GFPT1: variants seen among roughly 807,000 people sequenced by gnomAD.
The protein encoded by GFPT1 is glutamine--fructose-6-phosphate transaminase 1, also known as glutamine--fructose-6-phosphate aminotransferase [isomerizing] 1.
Under a neutral mutation model 92.0 loss-of-function variants are expected in GFPT1, and 40 were observed. The observed-to-expected ratio is 0.43, with a 90% CI of 0.34 to 0.57. GFPT1 has a LOEUF of 0.57. Among genes scored for constraint, GFPT1 ranks in the 20% least tolerant of loss-of-function variants. The probability of loss-of-function intolerance (pLI) is 0.02; values close to 1 mark genes in which losing one functional copy is unlikely to be tolerated. For missense variants in GFPT1, 448 were observed against 869.1 expected, an observed-to-expected ratio of 0.52 and a Z score of 6.09; for synonymous variants, 269 against 280.6, an observed-to-expected ratio of 0.96 and a Z score of 0.41.
At chr2:69,385,369 G>A (rs1474744825) in intron 1 of GFPT1, among the ~76,000 whole-genome samples, 1 of 151,980 alleles carries the variant, frequency 6.6e-6, no homozygotes, top group East Asian at 1.9e-4. Context: ...GGGATTACAG[G>A]CGCGTACCAC....
At chr2:69,367,727 A>G (rs990431607) in intron 3 of GFPT1, among the ~76,000 whole-genome samples, 4 of 152,138 alleles carry the variant, frequency 2.6e-5, no homozygotes. Flanking sequence ...AAATTTTGCA[A>G]CAGTGAATCT....
chr2:69,348,668 T>C (rs1287268275), intron 10 of GFPT1, among the ~76,000 whole-genome samples: 1 of 152,154 alleles, frequency 6.6e-6, no homozygotes. Flanking sequence ...CCAGACAAAT[T>C]CAAGCTCCCA....
At chr2:69,355,632 T>C (rs2104650237) in intron 7 of GFPT1, among the ~76,000 whole-genome samples, 1 of 152,314 alleles carries the variant, frequency 6.6e-6, no homozygotes, top group East Asian at 1.9e-4. Flanking sequence ...TTAATTTTTT[T>C]CCTTTGTAAT....
intron 15 of GFPT1, among the ~76,000 whole-genome samples, chr2:69,330,955 T>C (rs1436556384): frequency 6.6e-6 from 1 of 152,214 alleles, no homozygotes; most frequent in South Asian, 2.1e-4. Flanking sequence ...CAGTTCTGTA[T>C]AATCCCTGAC....
In GFPT1 at chr2:69,326,982, G is replaced by A. The variant is rs1670545962; in HGVS notation, c.1987C>T (p.Gln663Ter). The change falls in exon 19 of 20, where the codon CAG becomes TAG. Residue 663 changes from glutamine (Q) to a stop codon, truncating the protein, a stop_gained. Coordinates refer to ENST00000357308, the MANE Select transcript of GFPT1 (RefSeq NM_001244710.2). LOFTEE classifies it high-confidence loss of function. ...IKVPHSVDCL[Q>*]GILSVIPLQL... The stretch of plus-strand genomic sequence containing the variant: ...AAAGGGATCACGCTGAGAATGCCCT[G>A]CAAGCAGTCCACTGAGTGGGGCACC... 1.2e-6 allele frequency: 2 copies of A among 1,614,020 alleles called. No individual in the cohort carries two copies. The highest frequency in any genetic ancestry group is 1.3e-5 in the African/African-American group (1 of 74,930).
At chr2:69,377,144 G>A (rs945399559) in intron 1 of GFPT1, among the ~76,000 whole-genome samples, 4 of 138,932 alleles carry the variant, frequency 2.9e-5, no homozygotes, top group Admixed American at 2.3e-4. Context: ...GGAGGCAGAG[G>A]TTGCAGTGAG....
intron 2 of GFPT1, among the ~76,000 whole-genome samples, chr2:69,373,559 T>C (rs4353693): frequency 0.67 from 101,209 of 151,744 alleles, 35,387 homozygotes; most frequent in African/African-American, 0.9. Context: ...TTCGAGACTG[T>C]AGTGAGCTAT....
chr2:69,352,494 TC>T (rs1337137349), intron 9 of GFPT1, among the ~76,000 whole-genome samples: 1 of 148,230 alleles, frequency 6.7e-6, no homozygotes, highest in Non-Finnish European at 1.5e-5. Flanking sequence ...GTGCCTGTAA[TC>T]CCAGCTACTC....
intron 4 of GFPT1, among the ~76,000 whole-genome samples, chr2:69,361,849 G>A (rs760773921): frequency 6.6e-6 from 1 of 152,076 alleles, no homozygotes; most frequent in Non-Finnish European, 1.5e-5. Flanking sequence ...GTGTGGTGGT[G>A]CAAGCCTGTG....
intron 13 of GFPT1, 80 bp from the exon 14 acceptor site, chr2:69,338,645 T>A: frequency 1.4e-6 from 2 of 1,444,586 alleles, no homozygotes; most frequent in South Asian, 2.4e-5. Flanking sequence ...CAATGTATAG[T>A]TTTTGCTTTT....
intron 15 of GFPT1, among the ~76,000 whole-genome samples, chr2:69,336,459 T>C (rs1670802509): frequency 6.6e-6 from 1 of 152,032 alleles, no homozygotes; most frequent in Non-Finnish European, 1.5e-5. Flanking sequence ...AATGCAGTTA[T>C]GTACACATTA....
chr2:69,344,822 T>G (rs1404814044), intron 12 of GFPT1, among the ~76,000 whole-genome samples: 2 of 151,808 alleles, frequency 1.3e-5, no homozygotes. Flanking sequence ...TTTTTAAAAA[T>G]TTTTAGTAAA....
At position 69,350,184 on chromosome 2, in the gene GFPT1, C is replaced by T; in HGVS notation, c.740-1G>A. 1 of 1,601,746 alleles carries T rather than the reference C, an allele frequency of 6.2e-7. No homozygotes were observed. The highest frequency in any genetic ancestry group is 1.3e-5 in the African/African-American group (1 of 74,738). ...TTGCAGCTTCCTTTCTTGTCTTTGCCTAAAGCATATAGTTAACATGAATTG... is the reference window on the plus strand; with the variant it reads ...TTGCAGCTTCCTTTCTTGTCTTTGCTTAAAGCATATAGTTAACATGAATTG... On this transcript the variant is annotated splice_acceptor_variant, in intron 9 of 19. Transcript: ENST00000357308. LOFTEE classifies it high-confidence loss of function.
At chr2:69,337,798 T>A in intron 15 of GFPT1, 100 bp downstream of exon 15, 1 of 955,642 alleles carries the variant, frequency 1.0e-6, no homozygotes, top group South Asian at 1.3e-5. Flanking sequence ...GTGAGTTCTA[T>A]AACTGCTAAC....
intron 3 of GFPT1, among the ~76,000 whole-genome samples, chr2:69,367,172 TA>T (rs772966754): frequency 2.0e-5 from 3 of 152,236 alleles, no homozygotes; most frequent in Non-Finnish European, 4.4e-5. Flanking sequence ...TCATGCCTTT[TA>T]AACTATGATT....
intron 1 of GFPT1, among the ~76,000 whole-genome samples, chr2:69,375,188 T>G (rs1671842170): frequency 6.6e-6 from 1 of 152,228 alleles, no homozygotes; most frequent in East Asian, 1.9e-4. Context: ...ACAGCTTTAA[T>G]GTATCAAAAC....
intron 7 of GFPT1, 117 bp downstream of exon 7, chr2:69,356,379 A>G: frequency 1.3e-6 from 1 of 794,688 alleles, no homozygotes; most frequent in South Asian, 1.4e-5. Flanking sequence ...TGCTCACATG[A>G]ATATATCTAA....
chr2:69,324,594 TAA>T lies in GFPT1; in HGVS notation c.*1593_*1594del. The T allele has an allele frequency of 6.6e-6, 1 of 152,022 alleles. No homozygotes were observed. The allele number at this position is 152,022 out of a possible 1,614,324, so 9.4% of individuals were successfully genotyped here. On this transcript the variant is annotated 3_prime_UTR_variant, in exon 20 of 20. Transcript: ENST00000357308. ...AATATAACAAATCTTTCTCTAACCC[TAA>T]GACACAAGCAGAATTCTATGCTTCT...
At position 69,338,015 on chromosome 2, in the gene GFPT1, C is replaced by T. The variant is rs1367624609; in HGVS notation, c.1365G>A (p.Lys455=). The T allele has an allele frequency of 6.2e-6, 10 of 1,614,022 alleles. No individual in the cohort carries two copies. The highest frequency in any genetic ancestry group is 8.5e-6 in the Non-Finnish European group (10 of 1,179,992). The change falls in exon 15 of 20, where the codon AAG becomes AAA. Residue 455 remains lysine (K), a synonymous_variant. Coordinates refer to ENST00000357308, the MANE Select transcript of GFPT1 (RefSeq NM_001244710.2). The stretch of plus-strand genomic sequence containing the variant: ...TCCCCACAGTTAAAGCTCCTCTCTC[C>T]TTACAGTAACGAAGACCCATCAAAG... ...ADTLMGLRYC[K]ERGALTVGIT... is the part of the protein sequence containing the mutation.
Sources: gnomAD v4.1 joint callset for allele counts (sites outside exome capture counted in the v4.1 genomes callset) on GRCh38, gnomAD v4.1.1 for gene constraint, MANE v1.5 for transcripts, NCBI Gene and HGNC (gene_info 2026-07-23, HGNC 2026-07-21) for gene names.